Variants in R3HDM1 observed in about 807,000 individuals in gnomAD.
R3HDM1 encodes R3H domain containing 1.
In R3HDM1, 46 loss-of-function variants were observed where a neutral mutation model predicts 141.1. The ratio of observed to expected loss-of-function variants is 0.33; its 90% CI spans 0.26 to 0.42. The LOEUF is 0.42. Ranked by LOEUF, R3HDM1 falls within the 10% of genes least tolerant of loss-of-function variation. The probability of loss-of-function intolerance (pLI) is 1.00; values close to 1 mark genes in which losing one functional copy is unlikely to be tolerated. For synonymous variants in R3HDM1, 435 were observed against 472.9 expected, an observed-to-expected ratio of 0.92 and a Z score of 1.04; for missense variants, 1,184 against 1,368.3, an observed-to-expected ratio of 0.87 and a Z score of 2.12.
chr2:135,607,577 G>A (rs2060184207), intron 3 of R3HDM1, among the ~76,000 whole-genome samples: 1 of 152,188 alleles, frequency 6.6e-6, no homozygotes, highest in Non-Finnish European at 1.5e-5. Context: ...GATTGCATCA[G>A]AGAAAATCTG....
chr2:135,561,899 T>C (rs1405771184), intron 1 of R3HDM1, among the ~76,000 whole-genome samples: 2 of 152,208 alleles, frequency 1.3e-5, no homozygotes, highest in Non-Finnish European at 2.9e-5. Flanking sequence ...AACTGAATTA[T>C]AGGCTTGGCG....
At chr2:135,611,934 G>T (rs2105141590) in intron 3 of R3HDM1, among the ~76,000 whole-genome samples, 1 of 152,272 alleles carries the variant, frequency 6.6e-6, no homozygotes, top group South Asian at 2.1e-4. Context: ...AGTGGGATGG[G>T]ATGATCCTGT....
intron 1 of R3HDM1, chr2:135,561,452 C>T (rs1178392079): frequency 3.0e-6 from 2 of 664,302 alleles, no homozygotes; most frequent in Non-Finnish European, 3.7e-6. Context: ...CGTGGTGGCT[C>T]ACACTTGAAA....
At chr2:135,703,689 G>A (rs939625006) in intron 21 of R3HDM1, among the ~76,000 whole-genome samples, 2 of 151,678 alleles carry the variant, frequency 1.3e-5, no homozygotes, top group African/African-American at 2.4e-5. Flanking sequence ...ATAAATATGA[G>A]CATTTAACCA....
Position 135,616,735 on chromosome 2 carries a change from C to T in R3HDM1, c.281C>T (p.Pro94Leu). The T allele has an allele frequency of 6.2e-7, 1 of 1,606,422 alleles. No individual in the cohort carries two copies. Among genetic ancestry groups the T allele is most frequent in the Non-Finnish European group, 8.5e-7 (1 of 1,174,954 alleles). ...GAAGAATCTCCACCACCCCCTGCAC[C>T]AGAGATATCACAGGAGAACCAGGTA... is the stretch of plus-strand genomic sequence containing the variant. ...VCEESPPPPA[P>L]EISQENQEKI... Residue 94 changes from proline to leucine, a missense_variant, in exon 5 of 27, where the codon CCA becomes CTA. Transcript: ENST00000683871.
chr2:135,606,872 T>G lies in R3HDM1; in HGVS notation c.171+1856T>G, dbSNP rs1263874656. Among the ~76,000 whole-genome samples the G allele has an allele frequency of 5.3e-5, 8 of 151,832 alleles. No homozygotes were observed. In the East Asian group the frequency reaches 9.6e-4, roughly 18 times the overall value. On this transcript the variant is annotated intron_variant, in intron 3 of 26. Transcript: ENST00000683871. ...TTCTATCATTCTATATGCTAAAGAC[T>G]TTGAAGGCTATAAGCCAAAAAGTAT...
chr2:135,685,017 A>G (rs1268075649), intron 21 of R3HDM1, among the ~76,000 whole-genome samples: 1 of 151,584 alleles, frequency 6.6e-6, no homozygotes, highest in East Asian at 1.9e-4. Context: ...TCTCACCTCT[A>G]CCCCCAAAGT....
intron 17 of R3HDM1, chr2:135,650,848 C>G: frequency 1.0e-6 from 1 of 985,244 alleles, no homozygotes; most frequent in Non-Finnish European, 1.2e-6. Context: ...TATGATGACT[C>G]AATTGCCACA....
chr2:135,541,708 A>G (rs777757387), intron 1 of R3HDM1, among the ~76,000 whole-genome samples: 8 of 152,194 alleles, frequency 5.3e-5, no homozygotes, highest in Non-Finnish European at 1.2e-4. Flanking sequence ...GCAGATCACC[A>G]TCACCAGACA....
At chr2:135,581,688 A>G (rs920112849) in intron 1 of R3HDM1, among the ~76,000 whole-genome samples, 1 of 152,162 alleles carries the variant, frequency 6.6e-6, no homozygotes, top group Non-Finnish European at 1.5e-5. Flanking sequence ...AGTGGCATCA[A>G]CATTCTTTTA....
intron 21 of R3HDM1, among the ~76,000 whole-genome samples, chr2:135,694,154 A>T (rs629377): frequency 0.029 from 4,468 of 152,272 alleles, 201 homozygotes; most frequent in African/African-American, 0.093. Flanking sequence ...GTTTTTAAAA[A>T]TCCACAGTGA....
At chr2:135,567,595 A>T (rs932842408) in intron 1 of R3HDM1, among the ~76,000 whole-genome samples, 2 of 152,220 alleles carry the variant, frequency 1.3e-5, no homozygotes, top group African/African-American at 2.4e-5. Flanking sequence ...TTAAAAAAGT[A>T]AAGTAAAATT....
intron 21 of R3HDM1, among the ~76,000 whole-genome samples, chr2:135,682,729 G>T (rs2070539902): frequency 6.6e-6 from 1 of 152,234 alleles, no homozygotes; most frequent in South Asian, 2.1e-4. Flanking sequence ...GGGCATGGTG[G>T]CTCACGCCTG....
At chr2:135,559,018 A>C in intron 1 of R3HDM1, 1 of 984,292 alleles carries the variant, frequency 1.0e-6, no homozygotes. Flanking sequence ...TAAAACTAAA[A>C]TACCTTATCA....
chr2:135,629,182 T>G (rs2062379473), intron 7 of R3HDM1, among the ~76,000 whole-genome samples: 1 of 151,898 alleles, frequency 6.6e-6, no homozygotes, highest in South Asian at 2.1e-4. Flanking sequence ...CCGGGTGTGG[T>G]GGCACACACC....
chr2:135,531,789 C>T, intron 1 of R3HDM1, 156 bp downstream of exon 1: 1 of 985,352 alleles, frequency 1.0e-6, no homozygotes, highest in Non-Finnish European at 1.2e-6. Flanking sequence ...GGGTCGTCGG[C>T]GCTTCAGCCA....
chr2:135,720,512 C>T (rs1443050240), intron 24 of R3HDM1, among the ~76,000 whole-genome samples: 1 of 152,198 alleles, frequency 6.6e-6, no homozygotes, highest in East Asian at 1.9e-4. Flanking sequence ...AAAGTTTTTG[C>T]AGTCAGCATT....
chr2:135,542,533 ATC>A (rs1200972786), intron 1 of R3HDM1, among the ~76,000 whole-genome samples: 3 of 152,156 alleles, frequency 2.0e-5, no homozygotes, highest in African/African-American at 7.2e-5. Context: ...ACTAAAAAGA[ATC>A]TGTTATCTGT....
chr2:135,616,099 C>T (rs1470008148), intron 3 of R3HDM1, 53 bp from the exon 4 acceptor site: 4 of 1,548,206 alleles, frequency 2.6e-6, no homozygotes, highest in Non-Finnish European at 3.6e-6. Flanking sequence ...AATTAAGAAG[C>T]AAATTTTCTG....
Sources: gnomAD v4.1 joint callset for allele counts (sites outside exome capture counted in the v4.1 genomes callset) on GRCh38, gnomAD v4.1.1 for gene constraint, MANE v1.5 for transcripts, NCBI Gene and HGNC (gene_info 2026-07-23, HGNC 2026-07-21) for gene names.